DDX59: variants seen among roughly 807,000 people sequenced by gnomAD.
DDX59 encodes the protein probable ATP-dependent RNA helicase DDX59.
Under a neutral mutation model 51.9 loss-of-function variants are expected in DDX59, and 30 were observed. The observed-to-expected ratio is 0.58, with a 90% CI of 0.43 to 0.78. The LOEUF is 0.78. Among genes scored for constraint, DDX59 ranks in the 30% least tolerant of loss-of-function variants. DDX59 has a pLI of 0.00. For missense variants in DDX59, 672 were observed against 730.8 expected (o/e 0.92, Z 0.93); for synonymous variants, 255 against 253.3 (o/e 1.01, Z -0.06).
Position 200,650,448 on chromosome 1 carries a change from T to G in DDX59, c.1291A>C (p.Lys431Gln). Residue 431 changes from lysine (K) to glutamine (Q), a missense_variant, in exon 5 of 8, where the codon AAA becomes CAA. Physicochemically the swap from Lys to Gln is moderately conservative, Grantham distance 53. Coordinates refer to ENST00000331314, the MANE Select transcript of DDX59 (RefSeq NM_001031725.6). ...ILWVEDPAKKKKLFEILNDKK... is the reference protein window; with the variant it reads ...ILWVEDPAKKQKLFEILNDKK... ...ACATTTAAAATTTCAAATAATTTTT[T>G]CTTTTTGGCTGGGTCTTCTACCCAC... The G allele has an allele frequency of 6.2e-7, 1 of 1,612,870 alleles. No individual in the cohort carries two copies. Among genetic ancestry groups the G allele is most frequent in the Non-Finnish European group, 8.5e-7 (1 of 1,179,442 alleles).
At chr1:200,653,079 G>C (rs1172719804) in intron 4 of DDX59, among the ~76,000 whole-genome samples, 1 of 152,148 alleles carries the variant, frequency 6.6e-6, no homozygotes, top group Non-Finnish European at 1.5e-5. Flanking sequence ...CCATGGGCTG[G>C]GTCACAGGCT....
At position 200,666,471 on chromosome 1, in the gene DDX59, G is replaced by T; in HGVS notation, c.270C>A (p.Pro90=). The change falls in exon 2 of 8, where the codon CCC becomes CCA. Residue 90 remains proline, a synonymous_variant. Coordinates refer to ENST00000331314, the MANE Select transcript of DDX59 (RefSeq NM_001031725.6). ...GCTGTGTTTTGGAAAATGACTTAAC[G>T]GGCTCTTCAGAAGGATGGCTGTCCT... ...GAKDSHPSEE[P]VKSFSKTQRW... is the part of the protein sequence containing the mutation. The T allele has an allele frequency of 6.2e-7, 1 of 1,614,076 alleles. No individual in the cohort carries two copies. Among genetic ancestry groups the T allele is most frequent in the Non-Finnish European group, 8.5e-7 (1 of 1,180,002 alleles).
At chr1:200,645,435 A>G (rs1339256463) in intron 7 of DDX59, among the ~76,000 whole-genome samples, 8 of 151,976 alleles carry the variant, frequency 5.3e-5, no homozygotes, top group Non-Finnish European at 5.9e-5. Context: ...CCGCCACCAT[A>G]TCTGGATAAT....
chr1:200,642,013 T>A (rs1271395948), downstream of DDX59, among the ~76,000 whole-genome samples: 1 of 151,666 alleles, frequency 6.6e-6, no homozygotes, highest in Non-Finnish European at 1.5e-5. Flanking sequence ...AAAATAATAA[T>A]AAAAAAATAA....
chr1:200,649,308 G>T, intron 5 of DDX59, 82 bp from the exon 6 acceptor site: 2 of 1,294,418 alleles, frequency 1.5e-6, no homozygotes, highest in Non-Finnish European at 2.1e-6. Context: ...ATTATCACAA[G>T]CTAGTTATCA....
chr1:200,664,227 CTG>C (rs1662567105), intron 2 of DDX59, 141 bp from the exon 3 acceptor site: 9 of 826,226 alleles, frequency 1.1e-5, no homozygotes, highest in Non-Finnish European at 1.6e-5. Context: ...CTTCTGCTTA[CTG>C]CAGACTTTTT....
At chr1:200,669,897 CGGAGCGGAGCGGAGCGGAGCGTAGA>C (rs1483177088) in exon 1 of DDX59, 5 of 103,634 alleles carry the variant, frequency 4.8e-5, no homozygotes. Flanking sequence ...GTTGGTGGTG[CGGAGCGGAGCGGAGCGGAGCGTAGA>C]GTAGAATCCA....
In DDX59 at chr1:200,648,168, C is replaced by T. The variant is rs188807404; in HGVS notation, c.1596+271G>A. Among the ~76,000 whole-genome samples the T allele has an allele frequency of 2.9e-4, 44 of 151,274 alleles. No homozygotes were observed. In the East Asian group the frequency reaches 6.3e-3, roughly 22 times the overall value. On this transcript the variant is annotated intron_variant, in intron 7 of 7. Transcript: ENST00000331314. ...CCTCCTGAGTAGTTGGGACTACAAGCGCCTGCCACCATACCAGGCTAAATT... is the reference window on the plus strand; with the variant it reads ...CCTCCTGAGTAGTTGGGACTACAAGTGCCTGCCACCATACCAGGCTAAATT...
chr1:200,650,780 A>C (rs1388370305), intron 4 of DDX59, 104 bp from the exon 5 acceptor site: 6 of 1,092,036 alleles, frequency 5.5e-6, no homozygotes, highest in Non-Finnish European at 7.5e-6. Flanking sequence ...AAAAATTCCT[A>C]AATAGAAAAC....
At chr1:200,643,015 A>AT (rs1366362416), downstream of DDX59, among the ~76,000 whole-genome samples, 2 of 152,140 alleles carry the variant, frequency 1.3e-5, no homozygotes, top group African/African-American at 2.4e-5. Flanking sequence ...TATAGCTAAT[A>AT]TTTTTTTGCA....
chr1:200,646,667 T>G (rs1049422640), intron 7 of DDX59, among the ~76,000 whole-genome samples: 1 of 152,204 alleles, frequency 6.6e-6, no homozygotes, highest in Non-Finnish European at 1.5e-5. Context: ...TGTAAAATGG[T>G]GACGCCATGT....
At chr1:200,642,543 T>C (rs1208782721), downstream of DDX59, among the ~76,000 whole-genome samples, 6 of 152,150 alleles carry the variant, frequency 3.9e-5, no homozygotes, top group Non-Finnish European at 7.3e-5. Context: ...AACCACTGCA[T>C]TGCTGCACCC....
At chr1:200,653,790 A>G (rs879776781) in intron 4 of DDX59, among the ~76,000 whole-genome samples, 9 of 152,092 alleles carry the variant, frequency 5.9e-5, no homozygotes, top group Non-Finnish European at 8.8e-5. Flanking sequence ...TTCCCTCCAG[A>G]TGGATCTCCG....
chr1:200,664,679 CT>C (rs879845082), intron 2 of DDX59, among the ~76,000 whole-genome samples: 3,864 of 146,378 alleles, frequency 0.026, 58 homozygotes, highest in Middle Eastern at 0.043. Flanking sequence ...TCTTTGCCCA[CT>C]TTTTTTTTTT....
chr1:200,646,124 C>T (rs1661275943), intron 7 of DDX59, among the ~76,000 whole-genome samples: 1 of 152,086 alleles, frequency 6.6e-6, no homozygotes, highest in African/African-American at 2.4e-5. Context: ...CACTTGAGGC[C>T]AGGGTTCAAG....
At chr1:200,650,807 G>C in intron 4 of DDX59, 131 bp from the exon 5 acceptor site, 1 of 757,602 alleles carries the variant, frequency 1.3e-6, no homozygotes, top group Non-Finnish European at 2.0e-6. Context: ...ACAATGTCAA[G>C]AGAACTGGAA....
rs372154609 is a variant in DDX59, at chr1:200,664,070, G to A, written c.821C>T (p.Ala274Val). The change falls in exon 3 of 8, where the codon GCG becomes GTG. Residue 274 changes from alanine (A) to valine (V), a missense_variant. Physicochemically the swap from Ala to Val is moderately conservative, Grantham distance 64 (BLOSUM62 0). Coordinates refer to ENST00000331314, the MANE Select transcript of DDX59 (RefSeq NM_001031725.6). Reference sequence around the variant, plus strand: ...CTCTCTGGTTGGTGTAAGAATGAGCGCAGATGGAGTTTTGCTCTGCAAAGA... The same window carrying A: ...CTCTCTGGTTGGTGTAAGAATGAGCACAGATGGAGTTTTGCTCTGCAAAGA... ...RALFESKTPS[A>V]LILTPTRELA... The A allele has an allele frequency of 8.1e-6, 13 of 1,610,632 alleles. No homozygotes were observed. The highest frequency in any genetic ancestry group is 1.6e-4 in the Middle Eastern group (1 of 6,070).
chr1:200,658,184 C>A (rs10919993), intron 4 of DDX59, among the ~76,000 whole-genome samples: 61,045 of 152,038 alleles, frequency 0.4, 12,417 homozygotes, highest in Non-Finnish European at 0.42. Flanking sequence ...GCTGGTGAGA[C>A]ATGTGGGAAG....
At chr1:200,663,532 T>C (rs77919058) in intron 3 of DDX59, among the ~76,000 whole-genome samples, 12,594 of 152,200 alleles carry the variant, frequency 0.083, 665 homozygotes, top group Non-Finnish European at 0.11. Flanking sequence ...GACAGGTAAA[T>C]TAAGGGTCAA....
Sources: allele counts gnomAD v4.1 joint callset (sites outside exome capture counted in the v4.1 genomes callset), GRCh38; gene constraint gnomAD v4.1.1; transcripts MANE v1.5; gene names NCBI Gene and HGNC (gene_info 2026-07-23, HGNC 2026-07-21).